Variants in FRMPD4 observed in about 807,000 individuals in gnomAD.
The protein encoded by FRMPD4 is FERM and PDZ domain containing 4, also known as FERM and PDZ domain-containing protein 4.
Under a neutral mutation model 94.1 loss-of-function variants are expected in FRMPD4, and 22 were observed. The ratio of observed to expected loss-of-function variants is 0.23; its 90% CI spans 0.17 to 0.33. The LOEUF (loss-of-function observed/expected upper bound fraction) is 0.33. FRMPD4 is among the 10% of genes least tolerant of loss of function. The pLI is 1.00. For synonymous variants in FRMPD4, 631 were observed against 548.6 expected (o/e 1.15, Z -2.10); for missense variants, 1,111 against 1,339.9 (o/e 0.83, Z 2.67).
At chrX:12,202,255 A>G (rs1016620936) in intron 1 of FRMPD4, among the ~76,000 whole-genome samples, 1 of 111,834 alleles carries the variant, frequency 8.9e-6, no homozygotes, top group African/African-American at 3.2e-5. Context: ...TAGCATCAAT[A>G]ATTTAACAGC....
In FRMPD4 at chrX:12,030,772, C is replaced by T. The variant is rs141893635; in HGVS notation, c.95+152754C>T. On this transcript the variant is annotated intron_variant, in intron 3 of 18. Coordinates refer to the FRMPD4 transcript ENST00000640291. ...ACTAGAGATAAAGACAGAATATTAGCTAAAACAAAGCAATAGGATGAGGAA... is the reference window on the plus strand; with the variant it reads ...ACTAGAGATAAAGACAGAATATTAGTTAAAACAAAGCAATAGGATGAGGAA... Among the ~76,000 whole-genome samples, 34 of 111,738 alleles carry T rather than the reference C, an allele frequency of 3.0e-4. No homozygotes were observed. The East Asian group carries it at 9.6e-3, about 32-fold the overall frequency.
chrX:12,643,558 C>T (rs920646312), intron 4 of FRMPD4, among the ~76,000 whole-genome samples: 8 of 111,971 alleles, frequency 7.1e-5, no homozygotes, highest in African/African-American at 2.6e-4. Context: ...AGCTAGAGGA[C>T]TGGACAGAGC....
intron 2 of FRMPD4, among the ~76,000 whole-genome samples, chrX:12,579,695 GATT>G (rs2058846109): frequency 8.9e-6 from 1 of 112,193 alleles, no homozygotes; most frequent in African/African-American, 3.2e-5. Flanking sequence ...ATCAGAAGCT[GATT>G]ATTGAGTTAG....
intron 3 of FRMPD4, among the ~76,000 whole-genome samples, chrX:12,024,244 G>A (rs2054647459): frequency 1.8e-5 from 2 of 111,633 alleles, no homozygotes; most frequent in Non-Finnish European, 3.8e-5. Context: ...GTGCATATGT[G>A]TGTGTCTGTG....
chrX:12,081,398 T>G (rs189334243), intron 3 of FRMPD4, among the ~76,000 whole-genome samples: 1,151 of 111,909 alleles, frequency 0.01, 9 homozygotes, highest in African/African-American at 0.019. Flanking sequence ...CAGGTGATTT[T>G]CAGGTCATGG....
chrX:12,076,892 A>G (rs2055023727), intron 3 of FRMPD4, among the ~76,000 whole-genome samples: 1 of 111,634 alleles, frequency 9.0e-6, no homozygotes, highest in Non-Finnish European at 1.9e-5. Context: ...CTTGTTCATC[A>G]TGAATGCCTC....
At chrX:12,621,326 C>G (rs748013934) in intron 4 of FRMPD4, among the ~76,000 whole-genome samples, 2 of 110,743 alleles carry the variant, frequency 1.8e-5, no homozygotes, top group Non-Finnish European at 3.8e-5. Context: ...ACATGAATCA[C>G]GAAGAATCAA....
intron 1 of FRMPD4, among the ~76,000 whole-genome samples, chrX:12,284,922 G>T (rs891078218): frequency 8.9e-6 from 1 of 111,945 alleles, no homozygotes; most frequent in Non-Finnish European, 1.9e-5. Context: ...AAGACAATCT[G>T]TATCATGGGA....
intron 1 of FRMPD4, among the ~76,000 whole-genome samples, chrX:12,218,572 A>G (rs1216736388): frequency 8.9e-6 from 1 of 112,480 alleles, no homozygotes; most frequent in African/African-American, 3.2e-5. Flanking sequence ...CTCTACTTCT[A>G]GCATAACCCA....
At chrX:12,047,122 G>T (rs1472536866) in intron 3 of FRMPD4, among the ~76,000 whole-genome samples, 3 of 108,044 alleles carry the variant, frequency 2.8e-5, no homozygotes, top group African/African-American at 1.0e-4. Flanking sequence ...TATATATATG[G>T]TTATATATGT....
chrX:12,023,751 T>C (rs1400323153), intron 3 of FRMPD4, among the ~76,000 whole-genome samples: 1 of 111,604 alleles, frequency 9.0e-6, no homozygotes, highest in Non-Finnish European at 1.9e-5. Flanking sequence ...TCCATTTTTT[T>C]TTAAGCAATA....
chrX:12,620,166 G>A (rs954270105), intron 4 of FRMPD4, among the ~76,000 whole-genome samples: 1 of 112,555 alleles, frequency 8.9e-6, no homozygotes, highest in South Asian at 3.7e-4. Flanking sequence ...CTGATTCCCC[G>A]ACTCCACCTA....
At chrX:12,191,730 G>T (rs1360803004) in intron 1 of FRMPD4, among the ~76,000 whole-genome samples, 1 of 111,739 alleles carries the variant, frequency 8.9e-6, no homozygotes, top group Non-Finnish European at 1.9e-5. Flanking sequence ...TGGTTGCCCG[G>T]GGTTGTAGAG....
chrX:12,376,031 C>T (rs2056232195), intron 1 of FRMPD4, among the ~76,000 whole-genome samples: 1 of 112,179 alleles, frequency 8.9e-6, no homozygotes, highest in African/African-American at 3.2e-5. Context: ...GCCCCATCTG[C>T]TCAGGAGGTA....
chrX:11,955,480 A>ATG (rs2054250524), intron 3 of FRMPD4, among the ~76,000 whole-genome samples: 1 of 101,475 alleles, frequency 9.9e-6, no homozygotes, highest in African/African-American at 4.3e-5. Flanking sequence ...AAATAAATAA[A>ATG]TAAATGTATG....
intron 1 of FRMPD4, among the ~76,000 whole-genome samples, chrX:12,384,443 A>G (rs2056369572): frequency 8.9e-6 from 1 of 111,788 alleles, no homozygotes; most frequent in Non-Finnish European, 1.9e-5. Flanking sequence ...ACTTGAGCCC[A>G]GGAGACTGAG....
chrX:11,919,128 T>C (rs1230908821), intron 3 of FRMPD4, among the ~76,000 whole-genome samples: 2 of 112,771 alleles, frequency 1.8e-5, no homozygotes, highest in Non-Finnish European at 3.7e-5. Context: ...AGTGTCAGCA[T>C]TGCTGGTATT....
At chrX:12,618,963 C>A (rs1215226457) in intron 4 of FRMPD4, among the ~76,000 whole-genome samples, 1 of 111,597 alleles carries the variant, frequency 9.0e-6, no homozygotes, top group Non-Finnish European at 1.9e-5. Flanking sequence ...TCCTCAGTAC[C>A]AGATGCTAAC....
chrX:11,847,224 T>C (rs1459163988), intron 1 of FRMPD4, among the ~76,000 whole-genome samples: 3 of 110,292 alleles, frequency 2.7e-5, no homozygotes, highest in East Asian at 5.6e-4. Flanking sequence ...GGGCGAAGGA[T>C]ATGAACAGAC....
Sources: allele counts gnomAD v4.1 joint callset (sites outside exome capture counted in the v4.1 genomes callset), GRCh38; gene constraint gnomAD v4.1.1; transcripts MANE v1.5; gene names NCBI Gene and HGNC (gene_info 2026-07-23, HGNC 2026-07-21).